Variants in SACM1L observed in about 807,000 individuals in gnomAD.
SACM1L encodes the protein SAC1 like phosphatidylinositide phosphatase, also known as phosphatidylinositol-3-phosphatase SAC1.
SACM1L carries 32 observed loss-of-function variants against 89.5 expected under a neutral mutation model. That is an observed-to-expected ratio of 0.36 (90% confidence interval 0.27 to 0.48). The LOEUF is 0.48. SACM1L is among the 20% of genes least tolerant of loss of function. SACM1L has a pLI of 0.99. For missense variants in SACM1L, 543 were observed against 708.5 expected (o/e 0.77, Z 2.65); for synonymous variants, 213 against 232.8 (o/e 0.92, Z 0.77).
At chr3:45,712,475 A>G (rs1698552215) in intron 5 of SACM1L, among the ~76,000 whole-genome samples, 1 of 152,152 alleles carries the variant, frequency 6.6e-6, no homozygotes, top group Non-Finnish European at 1.5e-5. Flanking sequence ...GTCTCAAGTG[A>G]TCCGCCTGCC....
At chr3:45,707,332 G>A (rs1051059519) in intron 4 of SACM1L, 1 of 155,014 alleles carries the variant, frequency 6.5e-6, no homozygotes, top group Non-Finnish European at 1.4e-5. Context: ...TATGAAATGT[G>A]TATATATTCT....
At chr3:45,719,306 T>C (rs562169822) in intron 7 of SACM1L, among the ~76,000 whole-genome samples, 194 bp from the exon 8 acceptor site, 159 of 152,324 alleles carry the variant, frequency 1.0e-3, no homozygotes, top group African/African-American at 3.6e-3. Context: ...ACTACCTTCG[T>C]GTCATAGGGT....
intron 1 of SACM1L, among the ~76,000 whole-genome samples, chr3:45,700,648 TTTTTA>T (rs1050624150): frequency 1.3e-5 from 2 of 152,180 alleles, no homozygotes; most frequent in African/African-American, 2.4e-5. Context: ...GTTCTATCTC[TTTTTA>T]TTTTATTTTA....
intron 17 of SACM1L, 33 bp downstream of exon 17, chr3:45,738,704 C>G (rs771541485): frequency 1.3e-6 from 2 of 1,535,308 alleles, no homozygotes; most frequent in East Asian, 4.5e-5. Flanking sequence ...CCTGGCATTA[C>G]GTGGTTGTAT....
intron 1 of SACM1L, among the ~76,000 whole-genome samples, chr3:45,693,225 C>T (rs917661884): frequency 5.9e-5 from 9 of 152,144 alleles, no homozygotes; most frequent in East Asian, 1.9e-4. Context: ...TGTAGTCTGT[C>T]GTTGACCAAA....
Position 45,743,783 on chromosome 3 carries a change from A to T in SACM1L, c.*114A>T. On this transcript the variant is annotated 3_prime_UTR_variant, in exon 20 of 20. Coordinates refer to ENST00000389061, the MANE Select transcript of SACM1L (RefSeq NM_014016.5). ...GGTCTTTTTAATGCCTTTATCCAAA[A>T]GCACATCTTGTGCTCCATGCAGGAT... 3.6e-6 allele frequency: 4 copies of T among 1,110,550 alleles called. No homozygotes were observed. Among genetic ancestry groups the T allele is most frequent in the Non-Finnish European group, 5.1e-6 (4 of 786,834 alleles). 68.8% of individuals were successfully genotyped at this position (1,110,550 alleles called of 1,614,324 possible).
chr3:45,738,786 C>G lies in SACM1L; in HGVS notation c.1482C>G (p.Ser494=), dbSNP rs1460734461. 1 of 1,603,666 alleles carries G rather than the reference C, an allele frequency of 6.2e-7. No individual in the cohort carries two copies. Among genetic ancestry groups the G allele is most frequent in the East Asian group, 2.2e-5 (1 of 44,768 alleles). ...NNFSDGFRQD[S]IDLFLGNYSV... The stretch of plus-strand genomic sequence containing the variant: ...TTTCTTCCTTTCTGTTCTAGGATTC[C>G]ATAGACTTATTTCTTGGAAACTATT... Residue 494 remains serine (S), a synonymous_variant, in exon 18 of 20, where the codon TCC becomes TCG. Coordinates refer to ENST00000389061, the MANE Select transcript of SACM1L (RefSeq NM_014016.5).
intron 13 of SACM1L, among the ~76,000 whole-genome samples, chr3:45,733,778 T>C (rs564663396): frequency 1.8e-4 from 28 of 152,372 alleles, no homozygotes; most frequent in Middle Eastern, 3.4e-3. Flanking sequence ...TAGAGAAGCC[T>C]AATGGTGGTG....
intron 7 of SACM1L, among the ~76,000 whole-genome samples, chr3:45,717,745 A>T (rs1306401196): frequency 6.6e-6 from 1 of 152,214 alleles, no homozygotes; most frequent in South Asian, 2.1e-4. Context: ...AGTGTGGCAT[A>T]CATTAAAAAG....
At chr3:45,728,040 CT>C (rs551282739) in intron 11 of SACM1L, among the ~76,000 whole-genome samples, 57 of 152,136 alleles carry the variant, frequency 3.7e-4, no homozygotes, top group African/African-American at 1.3e-3. Flanking sequence ...AAACAATGTT[CT>C]TTTTTTGTCT....
At chr3:45,716,448 G>A (rs1698664362) in intron 7 of SACM1L, among the ~76,000 whole-genome samples, 1 of 152,204 alleles carries the variant, frequency 6.6e-6, no homozygotes, top group Non-Finnish European at 1.5e-5. Flanking sequence ...TAGCCTGGGT[G>A]ACAGCGCAAG....
At chr3:45,697,923 C>T (rs1405233378) in intron 1 of SACM1L, among the ~76,000 whole-genome samples, 2 of 152,180 alleles carry the variant, frequency 1.3e-5, no homozygotes, top group Admixed American at 6.5e-5. Context: ...ACCAAATAAT[C>T]TTCTTGGATC....
chr3:45,703,014 C>T (rs2673046), intron 1 of SACM1L, among the ~76,000 whole-genome samples: 1,640 of 152,232 alleles, frequency 0.011, 10 homozygotes, highest in Non-Finnish European at 0.017. Context: ...TCATTTAATT[C>T]ACACGATGCT....
At chr3:45,742,289 G>T (rs542413972) in intron 19 of SACM1L, among the ~76,000 whole-genome samples, 1 of 152,192 alleles carries the variant, frequency 6.6e-6, no homozygotes, top group Non-Finnish European at 1.5e-5. Flanking sequence ...GCTGTGGATG[G>T]TAACTTCTCA....
intron 19 of SACM1L, among the ~76,000 whole-genome samples, chr3:45,741,907 A>G (rs1441302197): frequency 6.6e-6 from 1 of 152,222 alleles, no homozygotes; most frequent in African/African-American, 2.4e-5. Flanking sequence ...TAGGGCAGGA[A>G]GGAAGAGGCA....
intron 9 of SACM1L, among the ~76,000 whole-genome samples, chr3:45,722,574 A>G (rs1698812884): frequency 6.6e-6 from 1 of 152,230 alleles, no homozygotes; most frequent in South Asian, 2.1e-4. Flanking sequence ...ATGCCAAATT[A>G]TATAACAGAT....
At position 45,743,849 on chromosome 3, in the gene SACM1L, T is replaced by C. The variant is rs1173135701; in HGVS notation, c.*180T>C. ...CTGATGTTACTGCCTTGATGGTCTC[T>C]TTACTATTGGGACAGTTAGATTTAT... is the stretch of plus-strand genomic sequence containing the variant. On this transcript the variant is annotated 3_prime_UTR_variant, in exon 20 of 20. Coordinates refer to ENST00000389061, the MANE Select transcript of SACM1L (RefSeq NM_014016.5). The C allele has an allele frequency of 3.9e-6, 2 of 514,266 alleles. No individual in the cohort carries two copies. The highest frequency in any genetic ancestry group is 6.6e-6 in the Non-Finnish European group (2 of 302,774). 31.9% of individuals were successfully genotyped at this position (514,266 alleles called of 1,614,324 possible). A position where few individuals can be genotyped will look rare whatever the true frequency, so the allele number is the denominator to read the frequency against.
At chr3:45,690,374 C>T (rs1026309449) in intron 1 of SACM1L, 3 of 152,184 alleles carry the variant, frequency 2.0e-5, no homozygotes, top group African/African-American at 7.2e-5. Flanking sequence ...GTGGCCACAG[C>T]CTGGGAATAT....
intron 1 of SACM1L, among the ~76,000 whole-genome samples, chr3:45,693,389 A>G (rs767658011): frequency 2.6e-5 from 4 of 152,258 alleles, no homozygotes; most frequent in Non-Finnish European, 4.4e-5. Flanking sequence ...ACTTTCCAGT[A>G]TAGACCACGT....
Sources: gnomAD v4.1 joint callset for allele counts (sites outside exome capture counted in the v4.1 genomes callset) on GRCh38, gnomAD v4.1.1 for gene constraint, MANE v1.5 for transcripts, NCBI Gene and HGNC (gene_info 2026-07-23, HGNC 2026-07-21) for gene names.